C2orf49: variants seen among roughly 807,000 people sequenced by gnomAD.
C2orf49 encodes tRNA-splicing ligase complex subunit ASW.
In C2orf49, 11 loss-of-function variants were observed where a neutral mutation model predicts 20.6. The ratio of observed to expected loss-of-function variants is 0.53; its 90% confidence interval spans 0.34 to 0.88. C2orf49 has a LOEUF of 0.88. Ranked by LOEUF, C2orf49 falls within the 40% of genes least tolerant of loss-of-function variation. The pLI is 0.02. For missense variants in C2orf49, 289 were observed against 274.2 expected (o/e 1.05, Z -0.38); for synonymous variants, 134 against 108.5 (o/e 1.24, Z -1.46).
At chr2:105,374,021 AT>A in the C2orf49 span, 1 of 435,174 alleles carries the variant, frequency 2.3e-6, no homozygotes, top group Non-Finnish European at 4.2e-6. Flanking sequence ...TCCCTTATGT[AT>A]TGCCTGCAAG....
At position 105,342,953 on chromosome 2, in the gene C2orf49, T is replaced by G; in HGVS notation, c.372T>G (p.Asp124Glu). Residue 124 changes from aspartate (D) to glutamate (E), a missense_variant, in exon 3 of 4, where the codon GAT becomes GAG. Coordinates refer to ENST00000258457, the MANE Select transcript of C2orf49 (RefSeq NM_024093.3). ...KVKKTENGDN[D>E]RLKPPPQASF... ...AAAAGACAGAGAATGGAGATAATGA[T>G]CGACTGAAGCCTCCCCCGCAGGCAA... 2 of 1,614,204 alleles carry G rather than the reference T, an allele frequency of 1.2e-6. No homozygotes were observed. Among genetic ancestry groups the G allele is most frequent in the Non-Finnish European group, 1.7e-6 (2 of 1,180,042 alleles).
At chr2:105,339,856 A>ATAGATAGTCAT in intron 2 of C2orf49, 107 bp downstream of exon 2, 7 of 977,270 alleles carry the variant, frequency 7.2e-6, no homozygotes, top group East Asian at 2.8e-5. Context: ...TATTTACTCA[A>ATAGATAGTCAT]TGACTATCTA....
chr2:105,368,409 G>A, the C2orf49 span, among the ~76,000 whole-genome samples: 1 of 152,136 alleles, frequency 6.6e-6, no homozygotes, highest in South Asian at 2.1e-4. Context: ...CTGGCTCACT[G>A]CAGCCTTGAA....
chr2:105,373,959 C>T, the C2orf49 span: 3 of 567,194 alleles, frequency 5.3e-6, no homozygotes, highest in Non-Finnish European at 9.5e-6. Flanking sequence ...GACAGATGTG[C>T]ATGTATGCAC....
rs116241389 is a variant in C2orf49, at chr2:105,343,767, A to G, written c.642+544A>G. Among the ~76,000 whole-genome samples the G allele has an allele frequency of 3.1e-3, 468 of 152,280 alleles. 2 individuals carry two copies. The highest frequency in any genetic ancestry group is 5.6e-3 in the Non-Finnish European group (382 of 68,026). Reference sequence around the variant, plus strand: ...GAAATCTATTATGTTGTGCTCCACTATGTTGAATCATTTGGATGCTTGTTG... The same window carrying G: ...GAAATCTATTATGTTGTGCTCCACTGTGTTGAATCATTTGGATGCTTGTTG... On this transcript the variant is annotated intron_variant, in intron 3 of 3. Transcript: ENST00000258457.
At chr2:105,350,880 A>G (rs1051554533), downstream of C2orf49, among the ~76,000 whole-genome samples, 2 of 152,180 alleles carry the variant, frequency 1.3e-5, no homozygotes. Context: ...ACTCATTGTT[A>G]ACTAAAGTTC....
At chr2:105,380,595 G>A in the C2orf49 span, among the ~76,000 whole-genome samples, 71,843 of 151,974 alleles carry the variant, frequency 0.47, 18,126 homozygotes, top group African/African-American at 0.65. Flanking sequence ...GCACCATGCC[G>A]GTAGCTTAAT....
intron 3 of C2orf49, among the ~76,000 whole-genome samples, chr2:105,344,758 T>A (rs1003732195): frequency 6.6e-6 from 1 of 151,900 alleles, no homozygotes; most frequent in African/African-American, 2.4e-5. Flanking sequence ...TTTTTTTTTT[T>A]TTATTTTTGT....
chr2:105,343,747 C>G (rs995539609), intron 3 of C2orf49, among the ~76,000 whole-genome samples: 1 of 152,086 alleles, frequency 6.6e-6, no homozygotes, highest in East Asian at 1.9e-4. Context: ...TTGGGGAAAT[C>G]TATTATGTTG....
the C2orf49 span, among the ~76,000 whole-genome samples, chr2:105,361,919 G>T: frequency 6.6e-6 from 1 of 152,188 alleles, no homozygotes; most frequent in Non-Finnish European, 1.5e-5. Context: ...AGGGGAGAGG[G>T]ATATTGTCGC....
chr2:105,367,714 G>A, the C2orf49 span: 1 of 1,614,132 alleles, frequency 6.2e-7, no homozygotes. Flanking sequence ...GCCAGCTGCT[G>A]CCCTTGTACT....
chr2:105,358,753 A>G, the C2orf49 span: 1 of 152,310 alleles, frequency 6.6e-6, no homozygotes, highest in South Asian at 2.1e-4. Flanking sequence ...GCAAACCACT[A>G]TCTGTAAAGT....
chr2:105,383,253 A>G, the C2orf49 span, among the ~76,000 whole-genome samples: 1 of 152,238 alleles, frequency 6.6e-6, no homozygotes, highest in Non-Finnish European at 1.5e-5. Context: ...AAAACTCTGT[A>G]ATCAGTCTAC....
intron 2 of C2orf49, among the ~76,000 whole-genome samples, chr2:105,340,111 C>A (rs1208195791): frequency 1.3e-5 from 2 of 152,174 alleles, no homozygotes; most frequent in East Asian, 3.8e-4. Context: ...ATACAAGAGG[C>A]TGGATCTGGA....
the C2orf49 span, among the ~76,000 whole-genome samples, chr2:105,381,055 G>A: frequency 6.6e-6 from 1 of 152,100 alleles, no homozygotes; most frequent in Admixed American, 6.6e-5. Context: ...GTTAATGGAA[G>A]GTGGCTCTGG....
chr2:105,342,966 C>T lies in C2orf49; in HGVS notation c.385C>T (p.Pro129Ser), dbSNP rs758198137. ...ENGDNDRLKP[P>S]PQASFTSNAF... ...TGGAGATAATGATCGACTGAAGCCTCCCCCGCAGGCAAGCTTTACCAGTAA... is the reference window on the plus strand; with the variant it reads ...TGGAGATAATGATCGACTGAAGCCTTCCCCGCAGGCAAGCTTTACCAGTAA... The change falls in exon 3 of 4, where the codon CCC (proline) becomes TCC (serine). Residue 129 changes from proline to serine, a missense_variant. Pro to Ser is a moderately conservative substitution (Grantham distance 74). Coordinates refer to ENST00000258457, the MANE Select transcript of C2orf49 (RefSeq NM_024093.3). 1.9e-6 allele frequency: 3 copies of T among 1,614,224 alleles called. No individual in the cohort carries two copies. In the South Asian group the frequency reaches 3.3e-5, roughly 18 times the overall value.
chr2:105,356,698 C>T, the C2orf49 span, among the ~76,000 whole-genome samples: 1 of 152,100 alleles, frequency 6.6e-6, no homozygotes, highest in Admixed American at 6.5e-5. Context: ...TTGACATTTG[C>T]TTTGTGTACT....
At chr2:105,351,524 A>G (rs879365553), downstream of C2orf49, among the ~76,000 whole-genome samples, 2 of 151,964 alleles carry the variant, frequency 1.3e-5, no homozygotes, top group Non-Finnish European at 2.9e-5. Flanking sequence ...CTTATTTTAT[A>G]TTTTGGGTTA....
Position 105,345,712 on chromosome 2 carries a change from C to G in C2orf49, c.*341C>G, listed in dbSNP as rs1251249810. 9.0e-6 allele frequency: 2 copies of G among 221,498 alleles called. No individual in the cohort carries two copies. Among genetic ancestry groups the G allele is most frequent in the Non-Finnish European group, 1.8e-5 (2 of 112,416 alleles). The allele number at this position is 221,498 out of a possible 1,614,324, so 13.7% of individuals were successfully genotyped here. A position where few individuals can be genotyped will look rare whatever the true frequency, so the allele number is the denominator to read the frequency against. The stretch of plus-strand genomic sequence containing the variant: ...GCGCAGTGGCTCACGCCTATAATCC[C>G]AGCACTTTGAGAGACTGAGGTGGGC... On this transcript the variant is annotated 3_prime_UTR_variant, in exon 4 of 4. Coordinates refer to ENST00000258457, the MANE Select transcript of C2orf49 (RefSeq NM_024093.3).
Sources: gnomAD v4.1 joint callset for allele counts (sites outside exome capture counted in the v4.1 genomes callset) on GRCh38, gnomAD v4.1.1 for gene constraint, MANE v1.5 for transcripts, NCBI Gene and HGNC (gene_info 2026-07-23, HGNC 2026-07-21) for gene names.